Variants in SEZ6L observed in about 807,000 individuals in gnomAD.
SEZ6L encodes the protein seizure 6-like protein.
SEZ6L carries 37 observed loss-of-function variants against 106.2 expected under a neutral mutation model. That is an observed-to-expected ratio of 0.35 (90% confidence interval 0.27 to 0.46). SEZ6L has a LOEUF of 0.46. Ranked by LOEUF, SEZ6L falls within the 20% of genes least tolerant of loss-of-function variation. The pLI is 1.00. For missense variants in SEZ6L, 1,172 were observed against 1,332.8 expected (o/e 0.88, Z 1.88); for synonymous variants, 541 against 570.4 (o/e 0.95, Z 0.73).
At chr22:26,196,356 A>G (rs1248875564) in intron 1 of SEZ6L, among the ~76,000 whole-genome samples, 2 of 152,208 alleles carry the variant, frequency 1.3e-5, no homozygotes, top group African/African-American at 2.4e-5. Context: ...CCTCTTTTCT[A>G]TATAAATTAC....
intron 1 of SEZ6L, among the ~76,000 whole-genome samples, chr22:26,198,068 G>A (rs562569756): frequency 1.5e-4 from 23 of 152,280 alleles, no homozygotes; most frequent in African/African-American, 4.6e-4. Flanking sequence ...TCTACCTAGG[G>A]TTTTCTTAAC....
intron 6 of SEZ6L, among the ~76,000 whole-genome samples, chr22:26,306,946 T>C (rs983532215): frequency 6.6e-6 from 1 of 152,162 alleles, no homozygotes; most frequent in Admixed American, 6.5e-5. Context: ...GAATCAGACA[T>C]GGTGATAAAG....
intron 6 of SEZ6L, among the ~76,000 whole-genome samples, chr22:26,308,517 A>G (rs1487989382): frequency 1.3e-5 from 2 of 152,142 alleles, no homozygotes; most frequent in Non-Finnish European, 2.9e-5. Context: ...CCTCAAAATG[A>G]ACCCTTTCTA....
chr22:26,327,850 G>A (rs1384593718), intron 9 of SEZ6L, among the ~76,000 whole-genome samples: 7 of 152,214 alleles, frequency 4.6e-5, no homozygotes, highest in South Asian at 2.1e-4. Flanking sequence ...GTTCCACTCC[G>A]TGTTTTATAA....
Position 26,340,392 on chromosome 22 carries a change from C to T in SEZ6L, c.2016-44C>T, listed in dbSNP as rs770845648. On this transcript the variant is annotated intron_variant, in intron 9 of 16. Coordinates refer to ENST00000248933, the MANE Select transcript of SEZ6L (RefSeq NM_021115.5). ...GTTAATCAAGGGTTTATTGAATGCC[C>T]ATTCTCTATTTCACATGACTCTCCC... 32 of 1,537,960 alleles carry T rather than the reference C, an allele frequency of 2.1e-5. No individual in the cohort carries two copies. The South Asian group carries it at 3.7e-4, about 18-fold the overall frequency.
intron 13 of SEZ6L, among the ~76,000 whole-genome samples, chr22:26,366,413 C>A (rs1601627333): frequency 6.6e-6 from 1 of 151,848 alleles, no homozygotes; most frequent in East Asian, 1.9e-4. Context: ...ATATAAGCAG[C>A]CCAGGTGCAG....
chr22:26,240,846 A>G (rs533875744), intron 1 of SEZ6L, among the ~76,000 whole-genome samples: 48 of 152,232 alleles, frequency 3.2e-4, no homozygotes, highest in African/African-American at 1.1e-3. Flanking sequence ...GTCAGGTGCT[A>G]TGGGAGAAAC....
At chr22:26,299,233 T>C in intron 5 of SEZ6L, 64 bp downstream of exon 5, 5 of 1,251,180 alleles carry the variant, frequency 4.0e-6, no homozygotes, top group Non-Finnish European at 4.1e-6. Context: ...GACCAACCTG[T>C]AGGACACCGA....
chr22:26,210,687 AT>A (rs1243162637), intron 1 of SEZ6L, among the ~76,000 whole-genome samples: 17 of 151,342 alleles, frequency 1.1e-4, no homozygotes, highest in African/African-American at 3.2e-4. Context: ...TGGTTTTTTT[AT>A]TATAATCCAA....
chr22:26,306,421 G>A (rs1158858989), intron 6 of SEZ6L, among the ~76,000 whole-genome samples: 2 of 152,188 alleles, frequency 1.3e-5, no homozygotes. Context: ...TCTTTCTCTT[G>A]CACACCCCTT....
chr22:26,178,608 G>A (rs972277235), intron 1 of SEZ6L, among the ~76,000 whole-genome samples: 5 of 152,308 alleles, frequency 3.3e-5, no homozygotes, highest in African/African-American at 4.8e-5. Context: ...AAGCCTCTGG[G>A]TGTCAGTTTC....
chr22:26,245,616 A>T (rs750641762), intron 1 of SEZ6L, among the ~76,000 whole-genome samples: 2 of 152,188 alleles, frequency 1.3e-5, no homozygotes, highest in Non-Finnish European at 2.9e-5. Flanking sequence ...CAGGGTAAGC[A>T]GGTCAAAATG....
chr22:26,318,815 C>T (rs1258772592), intron 9 of SEZ6L, among the ~76,000 whole-genome samples: 1 of 152,036 alleles, frequency 6.6e-6, no homozygotes, highest in African/African-American at 2.4e-5. Context: ...ATTTTACCCC[C>T]ATCTTTCTCA....
chr22:26,282,710 C>G (rs140696714), intron 1 of SEZ6L, among the ~76,000 whole-genome samples: 1 of 152,144 alleles, frequency 6.6e-6, no homozygotes, highest in Non-Finnish European at 1.5e-5. Flanking sequence ...AGAAGCCTAC[C>G]GTGCCAGTAT....
At chr22:26,229,582 G>T (rs773938257) in intron 1 of SEZ6L, among the ~76,000 whole-genome samples, 4 of 152,198 alleles carry the variant, frequency 2.6e-5, no homozygotes, top group Non-Finnish European at 4.4e-5. Context: ...TCCTCTGGAG[G>T]ATTCTGACTC....
intron 9 of SEZ6L, among the ~76,000 whole-genome samples, chr22:26,335,671 A>G (rs1440289712): frequency 1.3e-5 from 2 of 152,168 alleles, no homozygotes; most frequent in Non-Finnish European, 2.9e-5. Context: ...AAGGTTCACA[A>G]CTAGACCCAG....
chr22:26,310,334 G>A (rs6005005), intron 6 of SEZ6L, among the ~76,000 whole-genome samples: 39,130 of 152,062 alleles, frequency 0.26, 5,506 homozygotes, highest in African/African-American at 0.33. Context: ...TCAGGAGTTC[G>A]AGACCAGCCT....
chr22:26,194,717 C>A (rs1033435503), intron 1 of SEZ6L, among the ~76,000 whole-genome samples: 3 of 152,186 alleles, frequency 2.0e-5, no homozygotes, highest in Admixed American at 6.5e-5. Flanking sequence ...TGATTTGAAT[C>A]CCAGCTCCTC....
At chr22:26,225,833 T>G (rs1056978244) in intron 1 of SEZ6L, among the ~76,000 whole-genome samples, 2 of 152,234 alleles carry the variant, frequency 1.3e-5, no homozygotes, top group Non-Finnish European at 2.9e-5. Flanking sequence ...AATCTTCCCT[T>G]GGCTTTCACT....
Sources: gnomAD v4.1 joint callset for allele counts (sites outside exome capture counted in the v4.1 genomes callset) on GRCh38, gnomAD v4.1.1 for gene constraint, MANE v1.5 for transcripts, NCBI Gene and HGNC (gene_info 2026-07-23, HGNC 2026-07-21) for gene names.